The following TCF25 variants were observed in gnomAD, a reference collection of about 807,000 sequenced individuals.
TCF25 encodes the protein ribosome quality control complex subunit TCF25.
In TCF25, 41 loss-of-function variants were observed where a neutral mutation model predicts 83.1. That is an observed-to-expected ratio of 0.49 (90% CI 0.38 to 0.64). The LOEUF is 0.64. Among genes scored for constraint, TCF25 ranks in the 30% least tolerant of loss-of-function variants. The pLI is 0.00. For missense variants in TCF25, 979 were observed against 914.5 expected (o/e 1.07, Z -0.91); for synonymous variants, 458 against 365.0 (o/e 1.25, Z -2.90).
intron 1 of TCF25, among the ~76,000 whole-genome samples, chr16:89,881,929 A>G (rs1320599810): frequency 1.3e-5 from 2 of 150,538 alleles, no homozygotes; most frequent in East Asian, 3.9e-4. Context: ...CGATTTTTTT[A>G]TTTTCAGTAG....
chr16:89,895,544 C>T (rs918050382), intron 8 of TCF25, among the ~76,000 whole-genome samples: 2 of 152,222 alleles, frequency 1.3e-5, no homozygotes, highest in African/African-American at 4.8e-5. Flanking sequence ...CAAGGTTCAT[C>T]CTCACTGTAG....
At chr16:89,883,688 A>G (rs2042771502) in intron 2 of TCF25, 176 bp downstream of exon 2, 1 of 722,244 alleles carries the variant, frequency 1.4e-6, no homozygotes, top group Non-Finnish European at 2.2e-6. Flanking sequence ...GCATGAAATG[A>G]GTGAAGGTCG....
At chr16:89,888,181 G>A (rs964736935) in intron 5 of TCF25, among the ~76,000 whole-genome samples, 1 of 152,134 alleles carries the variant, frequency 6.6e-6, no homozygotes, top group South Asian at 2.1e-4. Context: ...CGGGACATTC[G>A]CTTGAACCCA....
intron 1 of TCF25, among the ~76,000 whole-genome samples, chr16:89,880,158 G>C (rs558976456): frequency 2.3e-5 from 3 of 130,716 alleles, no homozygotes; most frequent in African/African-American, 7.5e-5. Flanking sequence ...CCCATCACGC[G>C]TGCTGTCCGT....
rs544093738 is a variant in TCF25 at position 89,875,368 on chromosome 16, C to T, written c.192+1509C>T. 5.3e-5 allele frequency among the ~76,000 whole-genome samples: 8 copies of T among 152,018 alleles called. No homozygotes were observed. In the South Asian group the frequency reaches 8.4e-4, roughly 16 times the overall value. On this transcript the variant is annotated intron_variant, in intron 1 of 17. Coordinates refer to ENST00000263346, the MANE Select transcript of TCF25 (RefSeq NM_014972.3). The stretch of plus-strand genomic sequence containing the variant: ...CTTTTTGCTCGTGGAAGCTTGCTAT[C>T]GATTGTCTCTAACGTATTTTCTCGG...
At position 89,898,652 on chromosome 16, in the gene TCF25, G is replaced by A. The variant is rs1422812262; in HGVS notation, c.1115+3G>A. 4.3e-6 allele frequency: 7 copies of A among 1,612,604 alleles called. No homozygotes were observed. Among genetic ancestry groups the A allele is most frequent in the Admixed American group, 3.3e-5 (2 of 60,004 alleles). ...GAGTACTGCAAGCTCATCCTGAGGTGAGTGTCTGCTCAGGGCCAAGCCCGT... is the reference window on the plus strand; with the variant it reads ...GAGTACTGCAAGCTCATCCTGAGGTAAGTGTCTGCTCAGGGCCAAGCCCGT... On this transcript the variant is annotated splice_donor_region_variant and intron_variant, in intron 10 of 17. Coordinates refer to ENST00000263346, the MANE Select transcript of TCF25 (RefSeq NM_014972.3).
intron 5 of TCF25, 24 bp from the exon 6 acceptor site, chr16:89,892,169 G>T (rs1343845514): frequency 6.3e-7 from 1 of 1,586,888 alleles, no homozygotes. Context: ...AAGTAAAGCT[G>T]TACCTGTGTC....
At chr16:89,894,978 G>A (rs1381370758) in intron 7 of TCF25, 60 bp from the exon 8 acceptor site, 2 of 1,493,730 alleles carry the variant, frequency 1.3e-6, no homozygotes, top group Non-Finnish European at 9.2e-7. Flanking sequence ...AAAAAGGCAT[G>A]CCTGGGAGCT....
intron 1 of TCF25, among the ~76,000 whole-genome samples, chr16:89,879,830 C>T (rs1214110739): frequency 9.4e-5 from 11 of 116,522 alleles, no homozygotes; most frequent in African/African-American, 3.5e-4. Context: ...ACGTGTTGTC[C>T]GTGTGCACAG....
intron 16 of TCF25, chr16:89,908,956 C>G: frequency 7.8e-7 from 1 of 1,289,382 alleles, no homozygotes; most frequent in Non-Finnish European, 1.0e-6. Flanking sequence ...GTGGGTCTTT[C>G]CCCTCACAGG....
chr16:89,890,868 A>C (rs573840211), intron 5 of TCF25, among the ~76,000 whole-genome samples: 1 of 151,932 alleles, frequency 6.6e-6, no homozygotes, highest in Non-Finnish European at 1.5e-5. Context: ...TTGTTTATTT[A>C]TTTCTTTAAA....
rs112167581 is a variant in TCF25, at chr16:89,886,148, C to G, written c.548+182C>G. The G allele has an allele frequency of 3.5e-5, 22 of 632,448 alleles. 2 individuals are homozygous for G. The highest frequency in any genetic ancestry group is 1.5e-4 in the African/African-American group (8 of 55,002). The allele number at this position is 632,448 out of a possible 1,614,324, so 39.2% of individuals were successfully genotyped here. A position where few individuals can be genotyped will look rare whatever the true frequency, so the allele number is the denominator to read the frequency against. On this transcript the variant is annotated intron_variant, in intron 4 of 17. Coordinates refer to ENST00000263346, the MANE Select transcript of TCF25 (RefSeq NM_014972.3). ...TTTAAAAATCATATGAGTTTATTGG[C>G]TGGGCGTGGTGGCTCACGCCTGTAA...
At chr16:89,887,873 C>T (rs2043135476) in intron 5 of TCF25, among the ~76,000 whole-genome samples, 156 bp downstream of exon 5, 1 of 152,176 alleles carries the variant, frequency 6.6e-6, no homozygotes, top group South Asian at 2.1e-4. Context: ...GAATGGGAGT[C>T]CACAGATTGT....
At chr16:89,898,234 G>A (rs1320791256) in intron 9 of TCF25, among the ~76,000 whole-genome samples, 1 of 152,274 alleles carries the variant, frequency 6.6e-6, no homozygotes, top group East Asian at 1.9e-4. Context: ...TGGGCACGTA[G>A]AAAATGCCAG....
In TCF25 at chr16:89,908,437, C is replaced by T. The variant is rs1385796701; in HGVS notation, c.1799+1115C>T. On this transcript the variant is annotated intron_variant, in intron 16 of 17. Coordinates refer to ENST00000263346, the MANE Select transcript of TCF25 (RefSeq NM_014972.3). ...CCCACCTCCCACCTTCCAGTTCCCA[C>T]CTCCTTCCTCGCAGTTCCCACCTCC... is the stretch of plus-strand genomic sequence containing the variant. Among the ~76,000 whole-genome samples, 4 of 145,408 alleles carry T rather than the reference C, an allele frequency of 2.8e-5. No individual in the cohort carries two copies. The East Asian group carries it at 6.3e-4, about 23-fold the overall frequency.
intron 1 of TCF25, 141 bp downstream of exon 1, chr16:89,874,000 GCGGGGCCGTGCGT>G: frequency 9.2e-7 from 1 of 1,085,456 alleles, no homozygotes; most frequent in Non-Finnish European, 1.3e-6. Flanking sequence ...AGTGGGGAGG[GCGGGGCCGTGCGT>G]CGGGGCCAGG....
intron 4 of TCF25, among the ~76,000 whole-genome samples, chr16:89,887,365 A>G (rs9806913): frequency 0.18 from 26,553 of 151,562 alleles, 3,190 homozygotes; most frequent in African/African-American, 0.33. Context: ...GGGTGCGTGC[A>G]CTGCCCCGAC....
At chr16:89,891,230 C>T (rs896834659) in intron 5 of TCF25, among the ~76,000 whole-genome samples, 2 of 152,220 alleles carry the variant, frequency 1.3e-5, no homozygotes, top group Non-Finnish European at 2.9e-5. Context: ...TGTGGGATAG[C>T]TCACCGCAGG....
At chr16:89,910,971 G>A (rs529765767) in intron 17 of TCF25, 109 bp from the exon 18 acceptor site, 38 of 1,457,240 alleles carry the variant, frequency 2.6e-5, no homozygotes, top group African/African-American at 4.2e-5. Flanking sequence ...TTCAGGGTCC[G>A]GTGCTGGGGC....
Sources: gnomAD v4.1 joint callset for allele counts (sites outside exome capture counted in the v4.1 genomes callset) on GRCh38, gnomAD v4.1.1 for gene constraint, MANE v1.5 for transcripts, NCBI Gene and HGNC (gene_info 2026-07-23, HGNC 2026-07-21) for gene names.